Variants in ARHGAP26 observed in about 807,000 individuals in gnomAD.
The protein encoded by ARHGAP26 is Rho GTPase activating protein 26.
In ARHGAP26, 38 loss-of-function variants were observed where a neutral mutation model predicts 104.8. The observed-to-expected ratio is 0.36, with a 90% confidence interval of 0.28 to 0.48. The LOEUF (loss-of-function observed/expected upper bound fraction) is 0.48. ARHGAP26 is among the 20% of genes least tolerant of loss of function. The pLI, the probability that ARHGAP26 is intolerant of heterozygous loss-of-function variation, is 0.99. For missense variants in ARHGAP26, 704 were observed against 947.9 expected, an observed-to-expected ratio of 0.74 and a Z score of 3.38; for synonymous variants, 341 against 340.0, an observed-to-expected ratio of 1.00 and a Z score of -0.03.
chr5:143,148,744 C>T (rs182881230), intron 20 of ARHGAP26, among the ~76,000 whole-genome samples: 3 of 152,300 alleles, frequency 2.0e-5, no homozygotes, highest in Admixed American at 6.5e-5. Context: ...TTCTCAGGTT[C>T]TCCTATACCC....
intron 1 of ARHGAP26, among the ~76,000 whole-genome samples, chr5:142,870,406 C>G (rs552473410): frequency 6.6e-6 from 1 of 152,284 alleles, no homozygotes; most frequent in East Asian, 1.9e-4. Flanking sequence ...TTCAATCTCT[C>G]AAGTAACATA....
chr5:143,165,955 G>A, intron 20 of ARHGAP26: 1 of 1,139,710 alleles, frequency 8.8e-7, no homozygotes, highest in South Asian at 1.5e-5. Context: ...ACTTTGCATG[G>A]CTTCTGGCTC....
At chr5:143,177,601 T>C (rs778919063) in intron 20 of ARHGAP26, among the ~76,000 whole-genome samples, 4 of 152,206 alleles carry the variant, frequency 2.6e-5, no homozygotes, top group Admixed American at 6.5e-5. Context: ...AGGCTTAGGA[T>C]CTGGCTGGCA....
At chr5:142,992,619 G>A (rs1598523205) in intron 11 of ARHGAP26, among the ~76,000 whole-genome samples, 1 of 151,614 alleles carries the variant, frequency 6.6e-6, no homozygotes, top group East Asian at 1.9e-4. Context: ...AGTAGAGAAG[G>A]GGTTTCACCA....
chr5:142,815,688 C>T (rs900324008), intron 1 of ARHGAP26, among the ~76,000 whole-genome samples: 1 of 152,200 alleles, frequency 6.6e-6, no homozygotes, highest in African/African-American at 2.4e-5. Context: ...AGGCTGTCCC[C>T]AGGACCTGGA....
intron 20 of ARHGAP26, among the ~76,000 whole-genome samples, chr5:143,190,229 G>C (rs1805749414): frequency 6.6e-6 from 1 of 152,202 alleles, no homozygotes; most frequent in African/African-American, 2.4e-5. Context: ...AAATGGACCA[G>C]CTTCTGAAGC....
At chr5:143,211,242 A>G (rs745462811) in intron 21 of ARHGAP26, among the ~76,000 whole-genome samples, 1 of 152,200 alleles carries the variant, frequency 6.6e-6, no homozygotes, top group Non-Finnish European at 1.5e-5. Context: ...TGGATGGTAG[A>G]TAAACAACAA....
At chr5:143,216,525 C>G (rs1023774315) in intron 22 of ARHGAP26, 8 of 322,596 alleles carry the variant, frequency 2.5e-5, no homozygotes, top group Non-Finnish European at 4.3e-5. Flanking sequence ...ACCTGCCCGT[C>G]AAATCCAACC....
chr5:143,067,720 G>A (rs1188661142), intron 17 of ARHGAP26, among the ~76,000 whole-genome samples: 1 of 152,182 alleles, frequency 6.6e-6, no homozygotes, highest in African/African-American at 2.4e-5. Context: ...CTATGTACTT[G>A]GAGATGCCTA....
chr5:143,077,583 A>G (rs1210054661), intron 17 of ARHGAP26, among the ~76,000 whole-genome samples: 2 of 152,182 alleles, frequency 1.3e-5, no homozygotes, highest in East Asian at 1.9e-4. Context: ...TAAAAGGCTC[A>G]CCGTAGATGA....
chr5:142,963,198 A>ATGTGTGTG (rs1217350223), intron 11 of ARHGAP26, among the ~76,000 whole-genome samples: 9 of 98,334 alleles, frequency 9.2e-5, no homozygotes, highest in East Asian at 1.9e-3. Flanking sequence ...ATATATATAT[A>ATGTGTGTG]TGTGTGTGTG....
intron 17 of ARHGAP26, among the ~76,000 whole-genome samples, chr5:143,063,035 G>A (rs1007857809): frequency 2.0e-5 from 3 of 152,022 alleles, no homozygotes; most frequent in African/African-American, 4.8e-5. Flanking sequence ...CCCTGGCTCC[G>A]GAACCTTTGT....
chr5:142,866,283 G>A (rs768893442), intron 1 of ARHGAP26, among the ~76,000 whole-genome samples: 1 of 152,086 alleles, frequency 6.6e-6, no homozygotes, highest in Non-Finnish European at 1.5e-5. Flanking sequence ...AGTAAATGAG[G>A]CAATATAGTG....
intron 11 of ARHGAP26, among the ~76,000 whole-genome samples, chr5:142,971,449 G>A (rs1772259230): frequency 6.6e-6 from 1 of 152,120 alleles, no homozygotes; most frequent in South Asian, 2.1e-4. Context: ...CTGAAGCCCT[G>A]GATTAGCTGC....
At chr5:143,136,137 A>G (rs1562488744) in intron 19 of ARHGAP26, among the ~76,000 whole-genome samples, 1 of 152,372 alleles carries the variant, frequency 6.6e-6, no homozygotes, top group East Asian at 1.9e-4. Flanking sequence ...GTTAGAATGA[A>G]GCAGAAGCAG....
chr5:142,856,548 T>C (rs1311301776), intron 1 of ARHGAP26, among the ~76,000 whole-genome samples: 8 of 152,338 alleles, frequency 5.3e-5, no homozygotes, highest in South Asian at 2.1e-4. Context: ...TTAGCCTCTT[T>C]AGGCTGACAT....
In ARHGAP26 at chr5:142,785,977, AT is replaced by A. The variant is rs71576155; in HGVS notation, c.154+15077del. Among the ~76,000 whole-genome samples, 520 of 138,166 alleles carry A rather than the reference AT, an allele frequency of 3.8e-3. 1 individual carries two copies. The highest frequency in any genetic ancestry group is 7.7e-3 in the Middle Eastern group (2 of 260). 90.6% of individuals were successfully genotyped at this position (138,166 alleles called of 152,430 possible). A position where few individuals can be genotyped will look rare whatever the true frequency, so the allele number is the denominator to read the frequency against. On this transcript the variant is annotated intron_variant, in intron 1 of 22. Coordinates refer to ENST00000645722, the MANE Select transcript of ARHGAP26 (RefSeq NM_001135608.3). ...ACCAGGGAGGTGACTGATCCCTGGT[AT>A]TTTTTTTTTTTTTTAAATAGACAGA... is the stretch of plus-strand genomic sequence containing the variant.
At chr5:142,964,817 C>T (rs1024813902) in intron 11 of ARHGAP26, among the ~76,000 whole-genome samples, 22 of 152,066 alleles carry the variant, frequency 1.4e-4, no homozygotes, top group South Asian at 8.3e-4. Flanking sequence ...CTGTGTGCGG[C>T]GACGAGAGAG....
At chr5:142,947,120 G>C (rs201910531) in intron 11 of ARHGAP26, 1 of 81,268 alleles carries the variant, frequency 1.2e-5, no homozygotes, top group Non-Finnish European at 2.3e-5. Context: ...AAAAAAAAAA[G>C]AGAGAGAGAG....
Sources: gnomAD v4.1 joint callset for allele counts (sites outside exome capture counted in the v4.1 genomes callset) on GRCh38, gnomAD v4.1.1 for gene constraint, MANE v1.5 for transcripts, NCBI Gene and HGNC (gene_info 2026-07-23, HGNC 2026-07-21) for gene names.